Variants in PTPN2 observed in about 807,000 individuals in gnomAD.
The protein encoded by PTPN2 is protein tyrosine phosphatase non-receptor type 2, also known as tyrosine-protein phosphatase non-receptor type 2.
A neutral mutation model predicts 57.3 loss-of-function variants in PTPN2; 19 were observed. The observed-to-expected ratio is 0.33, with a 90% CI of 0.23 to 0.49. The LOEUF (loss-of-function observed/expected upper bound fraction) is 0.49, where lower values mean the gene tolerates loss of function less well. Ranked by LOEUF, PTPN2 falls within the 20% of genes least tolerant of loss-of-function variation. The pLI is 0.99. For synonymous variants in PTPN2, 153 were observed against 164.9 expected, an observed-to-expected ratio of 0.93 and a Z score of 0.55; for missense variants, 358 against 501.1, an observed-to-expected ratio of 0.71 and a Z score of 2.73.
chr18:12,817,040 T>C, intron 6 of PTPN2, 116 bp downstream of exon 6: 1 of 1,004,802 alleles, frequency 1.0e-6, no homozygotes, highest in South Asian at 1.6e-5. Flanking sequence ...AAAGTAGAAG[T>C]TTAAGTTGAA....
At chr18:12,838,766 AC>A (rs1380515579) in intron 2 of PTPN2, among the ~76,000 whole-genome samples, 12 of 133,036 alleles carry the variant, frequency 9.0e-5, no homozygotes, top group Non-Finnish European at 1.6e-4. Context: ...GCTATTTAGA[AC>A]TGACTACAAA....
Position 12,830,821 on chromosome 18 carries a change from C to T in PTPN2, c.360+122G>A, listed in dbSNP as rs1235789755. 4.7e-6 allele frequency: 3 copies of T among 643,794 alleles called. No homozygotes were observed. The African/African-American group carries it at 5.5e-5, about 12-fold the overall frequency. 39.9% of individuals were successfully genotyped at this position (643,794 alleles called of 1,614,324 possible). A position where few individuals can be genotyped will look rare whatever the true frequency, so the allele number is the denominator to read the frequency against. On this transcript the variant is annotated intron_variant, in intron 4 of 8. Transcript: ENST00000309660. ...GTTTTTCCGGACAGAAACACTTTGA[C>T]CGCTAGCCTTTAGCAATTAAAGGCC...
In PTPN2 at chr18:12,794,402, T is replaced by C. The variant is rs1451022700; in HGVS notation, c.1124A>G (p.Asn375Ser). 4 of 1,614,192 alleles carry C rather than the reference T, an allele frequency of 2.5e-6. No individual in the cohort carries two copies. Among genetic ancestry groups the C allele is most frequent in the Non-Finnish European group, 3.4e-6 (4 of 1,180,034 alleles). ...TAACCACCTTTTTCTTTTTCGTTCATTCTCATTTAGCCTCTGTTTCATCTG... is the reference window on the plus strand; with the variant it reads ...TAACCACCTTTTTCTTTTTCGTTCACTCTCATTTAGCCTCTGTTTCATCTG... Reference protein sequence around the residue: ...VQQMKQRLNENERKRKRWLYW... With the variant: ...VQQMKQRLNESERKRKRWLYW... The change falls in exon 9 of 9, where the codon AAT (asparagine) becomes AGT (serine). Residue 375 changes from asparagine to serine, a missense_variant. This residue lies in a region of PTPN2 where 96 missense variants were observed against 110.8 expected (regional missense o/e 0.87). Transcript: ENST00000309660.
At chr18:12,848,182 A>G (rs1172695180) in intron 2 of PTPN2, among the ~76,000 whole-genome samples, 1 of 152,222 alleles carries the variant, frequency 6.6e-6, no homozygotes, top group East Asian at 1.9e-4. Flanking sequence ...ACTAAGAAAG[A>G]TGACAAGCAC....
intron 4 of PTPN2, among the ~76,000 whole-genome samples, chr18:12,829,294 T>C (rs2042585620): frequency 6.6e-6 from 1 of 152,022 alleles, no homozygotes; most frequent in South Asian, 2.1e-4. Context: ...GGTGGGCGTA[T>C]CACTTGAGGT....
chr18:12,817,916 A>G (rs2042132674), intron 5 of PTPN2, among the ~76,000 whole-genome samples: 1 of 152,162 alleles, frequency 6.6e-6, no homozygotes, highest in Non-Finnish European at 1.5e-5. Context: ...CGAGGTGGGC[A>G]GATCACTTGA....
chr18:12,873,010 C>T lies in PTPN2; in HGVS notation c.69+11063G>A, dbSNP rs544040659. Among the ~76,000 whole-genome samples, 258 of 152,292 alleles carry T rather than the reference C, an allele frequency of 1.7e-3. 1 individual carries two copies. The highest frequency in any genetic ancestry group is 4.6e-3 in the Admixed American group (71 of 15,300). On this transcript the variant is annotated intron_variant, in intron 1 of 8. Coordinates refer to ENST00000309660, the MANE Select transcript of PTPN2 (RefSeq NM_002828.4). ...CCAAGGTGGGTGGATCACCTGAGGT[C>T]AGGAGTTCAAGACTGGCCCAGCCAA... is the stretch of plus-strand genomic sequence containing the variant.
chr18:12,849,948 G>T (rs1359860140), intron 2 of PTPN2, among the ~76,000 whole-genome samples: 1 of 151,902 alleles, frequency 6.6e-6, no homozygotes, highest in African/African-American at 2.4e-5. Flanking sequence ...CTGTATTTAT[G>T]TGCCCACTCT....
intron 1 of PTPN2, among the ~76,000 whole-genome samples, chr18:12,869,745 G>C (rs935983306): frequency 2.0e-5 from 3 of 152,070 alleles, no homozygotes; most frequent in East Asian, 1.9e-4. Context: ...ATCCCAAATT[G>C]ATAATGAGTT....
chr18:12,813,695 A>G (rs568833176), intron 7 of PTPN2, among the ~76,000 whole-genome samples: 1 of 152,242 alleles, frequency 6.6e-6, no homozygotes, highest in Non-Finnish European at 1.5e-5. Flanking sequence ...AACTTAGTAC[A>G]TAACACAAGT....
intron 5 of PTPN2, among the ~76,000 whole-genome samples, chr18:12,822,415 A>G (rs1351303370): frequency 6.6e-6 from 1 of 152,198 alleles, no homozygotes; most frequent in African/African-American, 2.4e-5. Context: ...ATGACCTTAT[A>G]TTTTTAAAAT....
intron 8 of PTPN2, among the ~76,000 whole-genome samples, chr18:12,795,431 T>G (rs1255670535): frequency 6.6e-6 from 1 of 152,122 alleles, no homozygotes; most frequent in East Asian, 1.9e-4. Context: ...GTAGCTGGGA[T>G]TACAGACGTG....
intron 1 of PTPN2, among the ~76,000 whole-genome samples, chr18:12,879,643 T>G (rs1387748067): frequency 6.6e-6 from 1 of 152,164 alleles, no homozygotes; most frequent in Non-Finnish European, 1.5e-5. Flanking sequence ...CCTCCTATTA[T>G]CAAACTCATG....
rs536767952 is a variant in PTPN2, at chr18:12,842,440, C to G, written c.161-5549G>C. On this transcript the variant is annotated intron_variant, in intron 2 of 8. Transcript: ENST00000309660. ...GCTAAGAAAAAAGAGTAACGGGACT[C>G]ACAGCGCTGGGGAGAGGGGCAGGTT... Among the ~76,000 whole-genome samples the G allele has an allele frequency of 2.0e-5, 3 of 152,222 alleles. No individual in the cohort carries two copies. The South Asian group carries it at 6.2e-4, about 32-fold the overall frequency.
intron 8 of PTPN2, 71 bp downstream of exon 8, chr18:12,801,899 C>A (rs2041442360): frequency 3.7e-6 from 5 of 1,357,240 alleles, no homozygotes; most frequent in East Asian, 2.4e-5. Context: ...TCCTATGGCA[C>A]CTGGTCCCAT....
intron 5 of PTPN2, among the ~76,000 whole-genome samples, chr18:12,819,740 A>G (rs1176828094): frequency 2.0e-5 from 3 of 151,766 alleles, no homozygotes; most frequent in Non-Finnish European, 4.4e-5. Flanking sequence ...GTCTCCTTTT[A>G]CAAAGCAGCA....
intron 2 of PTPN2, among the ~76,000 whole-genome samples, chr18:12,854,631 T>A (rs975917504): frequency 3.9e-5 from 6 of 152,036 alleles, no homozygotes; most frequent in African/African-American, 1.5e-4. Flanking sequence ...ATGACTTGGA[T>A]ACACAGACCT....
At chr18:12,872,191 T>G (rs1370024465) in intron 1 of PTPN2, 1 of 152,196 alleles carries the variant, frequency 6.6e-6, no homozygotes, top group African/African-American at 2.4e-5. Flanking sequence ...TTACTGGGAC[T>G]AGAGGGGTAC....
chr18:12,844,658 C>T (rs530382334), intron 2 of PTPN2, among the ~76,000 whole-genome samples: 1 of 152,262 alleles, frequency 6.6e-6, no homozygotes, highest in East Asian at 1.9e-4. Flanking sequence ...GATCTAAGTT[C>T]TTTGTCAGAT....
Sources: gnomAD v4.1 joint callset for allele counts (sites outside exome capture counted in the v4.1 genomes callset) on GRCh38, gnomAD v4.1.1 for gene constraint, gnomAD v4.1.1 regional missense constraint, MANE v1.5 for transcripts, NCBI Gene and HGNC (gene_info 2026-07-23, HGNC 2026-07-21) for gene names.